PRSS23: variants seen among roughly 807,000 people sequenced by gnomAD.
PRSS23 encodes the protein serine protease 23.
A neutral mutation model predicts 34.7 loss-of-function variants in PRSS23; 25 were observed. The observed-to-expected ratio is 0.72, with a 90% CI of 0.53 to 1.01. The LOEUF (loss-of-function observed/expected upper bound fraction) is 1.01, where lower values mean the gene tolerates loss of function less well. PRSS23 is among the 50% of genes least tolerant of loss of function. The pLI is 0.00. For synonymous variants in PRSS23, 176 were observed against 186.6 expected (o/e 0.94, Z 0.46); for missense variants, 445 against 475.6 (o/e 0.94, Z 0.60).
chr11:86,858,767 A>T (rs1196002073), intron 2 of PRSS23, among the ~76,000 whole-genome samples: 1 of 151,784 alleles, frequency 6.6e-6, no homozygotes, highest in African/African-American at 2.4e-5. Context: ...AAATAGGATG[A>T]TATGACTCCC....
At chr11:86,879,563 C>T (rs1302173246) in intron 2 of PRSS23, among the ~76,000 whole-genome samples, 6 of 111,098 alleles carry the variant, frequency 5.4e-5, no homozygotes, top group African/African-American at 1.4e-4. Flanking sequence ...GTCAGCCCCC[C>T]GCCCGGCCAG....
chr11:86,901,132 A>C lies in PRSS23; in HGVS notation c.207-50084A>C, dbSNP rs113021107. On this transcript the variant is annotated intron_variant, in intron 2 of 2. Transcript: ENST00000533902. ...TCTTCCCTGTCTCCCAATCCAAATT[A>C]GGCCCACCACTATTGTACATTCATA... Among the ~76,000 whole-genome samples, 256 of 152,166 alleles carry C rather than the reference A, an allele frequency of 1.7e-3. 2 individuals carry two copies. The highest frequency in any genetic ancestry group is 6.8e-3 in the Middle Eastern group (2 of 294).
chr11:86,794,900 T>C (rs574359567), intron 1 of PRSS23, among the ~76,000 whole-genome samples: 14 of 152,312 alleles, frequency 9.2e-5, no homozygotes, highest in African/African-American at 3.1e-4. Flanking sequence ...GTAATATTCA[T>C]GGTTCAATAG....
chr11:86,839,378 T>TGAAATAAAG (rs1466474623), intron 2 of PRSS23, among the ~76,000 whole-genome samples: 1 of 151,462 alleles, frequency 6.6e-6, no homozygotes, highest in Non-Finnish European at 1.5e-5. Flanking sequence ...GTCAAATTAA[T>TGAAATAAAG]GAAATAAAGT....
At chr11:86,841,478 A>C (rs1948448100) in intron 2 of PRSS23, among the ~76,000 whole-genome samples, 1 of 152,056 alleles carries the variant, frequency 6.6e-6, no homozygotes, top group Admixed American at 6.6e-5. Context: ...AAAACACTTC[A>C]AAAAAATCAA....
chr11:86,823,588 G>C (rs536130342), exon 2 of PRSS23: 11 of 702,450 alleles, frequency 1.6e-5, no homozygotes, highest in Non-Finnish European at 2.6e-5. Flanking sequence ...CAGAAGAGTC[G>C]AGGAGGTAAG....
chr11:86,838,137 T>A (rs1357954335), intron 2 of PRSS23, among the ~76,000 whole-genome samples: 1 of 152,030 alleles, frequency 6.6e-6, no homozygotes, highest in Non-Finnish European at 1.5e-5. Context: ...GTACACTTCA[T>A]GTGTTTACAA....
At chr11:86,940,071 ACT>A (rs1417398472) in intron 2 of PRSS23, among the ~76,000 whole-genome samples, 1 of 151,938 alleles carries the variant, frequency 6.6e-6, no homozygotes, top group Non-Finnish European at 1.5e-5. Context: ...GTGTTAGAAA[ACT>A]CTGAGTCCCG....
intron 2 of PRSS23, among the ~76,000 whole-genome samples, chr11:86,844,357 C>T (rs534626731): frequency 3.9e-5 from 6 of 152,090 alleles, no homozygotes; most frequent in Admixed American, 6.5e-5. Flanking sequence ...CACATGTATA[C>T]GTATGTAACA....
At chr11:86,898,988 C>A (rs1193487688) in intron 2 of PRSS23, among the ~76,000 whole-genome samples, 1 of 152,194 alleles carries the variant, frequency 6.6e-6, no homozygotes, top group Non-Finnish European at 1.5e-5. Flanking sequence ...GGGCATCACT[C>A]TACTTCCAGG....
intron 1 of PRSS23, among the ~76,000 whole-genome samples, chr11:86,803,747 C>T (rs2135595485): frequency 6.6e-6 from 1 of 152,162 alleles, no homozygotes; most frequent in East Asian, 1.9e-4. Context: ...GCTGGAGTCA[C>T]AATTTGTACA....
At chr11:86,913,554 G>A (rs982725552) in intron 2 of PRSS23, among the ~76,000 whole-genome samples, 3 of 151,432 alleles carry the variant, frequency 2.0e-5, no homozygotes, top group African/African-American at 7.3e-5. Flanking sequence ...TGAGACTAGG[G>A]ATAGAGAAAC....
At chr11:86,948,746 AC>A (rs1332628984) in intron 2 of PRSS23, 1 of 152,302 alleles carries the variant, frequency 6.6e-6, no homozygotes, top group African/African-American at 2.4e-5. Context: ...AGTATCGATC[AC>A]CTACTCCATG....
chr11:86,813,681 ATATATT>A (rs5793216), downstream of PRSS23, among the ~76,000 whole-genome samples: 25,019 of 150,398 alleles, frequency 0.17, 2,865 homozygotes, highest in East Asian at 0.41. Context: ...TATAATGTTA[ATATATT>A]TATATTAACA....
intron 2 of PRSS23, among the ~76,000 whole-genome samples, chr11:86,858,283 T>C (rs1285343247): frequency 1.3e-5 from 2 of 152,110 alleles, no homozygotes; most frequent in East Asian, 1.9e-4. Flanking sequence ...ACCCCTGTGA[T>C]ATTGTTCCTA....
chr11:86,862,641 T>G (rs755244211), intron 2 of PRSS23, among the ~76,000 whole-genome samples: 24 of 151,894 alleles, frequency 1.6e-4, no homozygotes, highest in Non-Finnish European at 3.4e-4. Flanking sequence ...AGGGGGATGT[T>G]ACTTGTAATG....
At chr11:86,801,248 T>A (rs901532973) in intron 1 of PRSS23, among the ~76,000 whole-genome samples, 1 of 152,010 alleles carries the variant, frequency 6.6e-6, no homozygotes, top group Non-Finnish European at 1.5e-5. Flanking sequence ...CTAACAACAG[T>A]TGTTGTAAGC....
intron 2 of PRSS23, among the ~76,000 whole-genome samples, chr11:86,916,291 G>A (rs1230254270): frequency 6.6e-6 from 1 of 152,090 alleles, no homozygotes; most frequent in Non-Finnish European, 1.5e-5. Flanking sequence ...GATGAGAATT[G>A]CTTTTATAAG....
At chr11:86,889,097 A>G (rs555758760) in intron 2 of PRSS23, among the ~76,000 whole-genome samples, 1 of 152,352 alleles carries the variant, frequency 6.6e-6, no homozygotes, top group South Asian at 2.1e-4. Context: ...CTTTCTGCCC[A>G]TCTCTGCTAA....
Sources: allele counts gnomAD v4.1 joint callset (sites outside exome capture counted in the v4.1 genomes callset), GRCh38; gene constraint gnomAD v4.1.1; transcripts MANE v1.5; gene names NCBI Gene and HGNC (gene_info 2026-07-23, HGNC 2026-07-21).